TIMM23B: variants seen among roughly 807,000 people sequenced by gnomAD.
The protein encoded by TIMM23B is translocase of inner mitochondrial membrane 23 homolog B, also known as mitochondrial import inner membrane translocase subunit Tim23B.
In TIMM23B, 27 loss-of-function variants were observed where a neutral mutation model predicts 27.3. The ratio of observed to expected loss-of-function variants is 0.99; its 90% CI spans 0.73 to 1.36. The LOEUF is 1.36. Ranked by LOEUF, TIMM23B falls within the 40% of genes most tolerant of loss-of-function variation. The probability of loss-of-function intolerance (pLI) is 0.00; values close to 1 mark genes in which losing one functional copy is unlikely to be tolerated. For synonymous variants in TIMM23B, 73 were observed against 92.4 expected (o/e 0.79, Z 1.21); for missense variants, 205 against 244.2 (o/e 0.84, Z 1.07).
At chr10:49,968,462 T>C (rs1313954864) in intron 6 of TIMM23B, among the ~76,000 whole-genome samples, 1 of 152,224 alleles carries the variant, frequency 6.6e-6, no homozygotes, top group Admixed American at 6.5e-5. Flanking sequence ...GTCTGATGCA[T>C]AATAAACCAA....
intron 6 of TIMM23B, among the ~76,000 whole-genome samples, chr10:49,964,023 T>C (rs1404073344): frequency 5.9e-5 from 9 of 151,896 alleles, no homozygotes; most frequent in Admixed American, 5.9e-4. Flanking sequence ...GAAATGCGTG[T>C]GGTGCACTCC....
At chr10:49,971,446 A>G (rs1262766070) in intron 6 of TIMM23B, among the ~76,000 whole-genome samples, 1 of 152,142 alleles carries the variant, frequency 6.6e-6, no homozygotes, top group Non-Finnish European at 1.5e-5. Context: ...ATTTTAAAAC[A>G]AACAAAAAAA....
chr10:49,970,360 C>A, intron 6 of TIMM23B: 1 of 172,524 alleles, frequency 5.8e-6, no homozygotes, highest in South Asian at 1.4e-4. Flanking sequence ...GCGTCTCGGC[C>A]CGGCCACCCA....
At chr10:49,945,442 G>A (rs1413972863) in intron 2 of TIMM23B, among the ~76,000 whole-genome samples, 4 of 152,106 alleles carry the variant, frequency 2.6e-5, no homozygotes, top group African/African-American at 4.8e-5. Context: ...GTGCAGTAGC[G>A]CGATCTCTGC....
intron 6 of TIMM23B, among the ~76,000 whole-genome samples, chr10:49,970,910 T>G (rs542628656): frequency 2.6e-5 from 4 of 152,164 alleles, no homozygotes; most frequent in Non-Finnish European, 4.4e-5. Flanking sequence ...GGGGAAAAGA[T>G]AGAGAAATCG....
At chr10:49,967,217 C>T (rs1475634368) in intron 6 of TIMM23B, among the ~76,000 whole-genome samples, 3 of 152,008 alleles carry the variant, frequency 2.0e-5, no homozygotes, top group Non-Finnish European at 2.9e-5. Flanking sequence ...CCACCGCGCC[C>T]GGCCCCCTCT....
chr10:49,944,562 A>T (rs1165788092), intron 1 of TIMM23B, among the ~76,000 whole-genome samples: 7 of 151,998 alleles, frequency 4.6e-5, no homozygotes, highest in Non-Finnish European at 8.8e-5. Flanking sequence ...ATCAATCGTT[A>T]ATAGTAATAT....
At chr10:49,955,707 A>G (rs1400748459) in intron 5 of TIMM23B, among the ~76,000 whole-genome samples, 2 of 152,190 alleles carry the variant, frequency 1.3e-5, no homozygotes, top group Non-Finnish European at 2.9e-5. Context: ...GAAAATCTCA[A>G]TTTAAATTGT....
intron 6 of TIMM23B, among the ~76,000 whole-genome samples, chr10:49,968,400 A>C (rs1189045057): frequency 6.6e-6 from 1 of 152,268 alleles, no homozygotes; most frequent in Non-Finnish European, 1.5e-5. Flanking sequence ...ATGCTACGTG[A>C]TATTTGTGGT....
chr10:49,961,200 A>G (rs1259105652), intron 6 of TIMM23B, among the ~76,000 whole-genome samples: 2 of 149,660 alleles, frequency 1.3e-5, no homozygotes, highest in African/African-American at 4.9e-5. Flanking sequence ...CCTGACCAAC[A>G]TAGAGAAATC....
intron 1 of TIMM23B, among the ~76,000 whole-genome samples, chr10:49,943,974 C>T (rs1180854522): frequency 6.6e-6 from 1 of 152,036 alleles, no homozygotes; most frequent in Admixed American, 6.6e-5. Flanking sequence ...AGTACAAATG[C>T]TTGGGAGGCA....
At position 49,949,197 on chromosome 10, in the gene TIMM23B, C is replaced by CGT. The variant is rs1484172124; in HGVS notation, c.166-2929_166-2928insGT. On this transcript the variant is annotated intron_variant, in intron 2 of 6. Transcript: ENST00000651259. ...ACAGGCATGAGCCACCATGCCTGGC[C>CGT]TTTTTTTTTTTTTTTTTTTTTTAAG... Among the ~76,000 whole-genome samples, 42 of 106,592 alleles carry CGT rather than the reference C, an allele frequency of 3.9e-4. 2 individuals are homozygous for CGT. Among genetic ancestry groups the CGT allele is most frequent in the Non-Finnish European group, 4.6e-4 (25 of 54,436 alleles). 69.9% of individuals were successfully genotyped at this position (106,592 alleles called of 152,430 possible).
In TIMM23B at chr10:49,958,391, G is replaced by C. The variant is rs1196975749; in HGVS notation, c.425G>C (p.Gly142Ala). 1 of 1,613,664 alleles carries C rather than the reference G, an allele frequency of 6.2e-7. No homozygotes were observed. Among genetic ancestry groups the C allele is most frequent in the Non-Finnish European group, 8.5e-7 (1 of 1,179,800 alleles). ...TTAGCGTTGCTCTATAGTGCATTTG[G>C]TGTCATCATTGAGAAAACACGAGGT... ...GSLALLYSAF[G>A]VIIEKTRGAE... Residue 142 changes from glycine to alanine, a missense_variant, in exon 6 of 7, where the codon GGT becomes GCT. By Grantham distance (60) the Gly-to-Ala change is moderately conservative (BLOSUM62 0). Coordinates refer to ENST00000651259, the MANE Select transcript of TIMM23B (RefSeq NM_001290117.2).
Position 49,942,057 on chromosome 10 carries a change from G to A in TIMM23B, c.-138G>A, listed in dbSNP as rs1177671047. The A allele has an allele frequency of 1.5e-4, 180 of 1,225,480 alleles. No homozygotes were observed. Among genetic ancestry groups the A allele is most frequent in the Middle Eastern group, 2.8e-4 (1 of 3,538 alleles). 75.9% of individuals were successfully genotyped at this position (1,225,480 alleles called of 1,614,324 possible). Reference sequence around the variant, plus strand: ...CAAAGCGGAAGTGTGGCGCTTAACGGGAACCGGCGCCCGGAATGTCAGCGT... The same window carrying A: ...CAAAGCGGAAGTGTGGCGCTTAACGAGAACCGGCGCCCGGAATGTCAGCGT... On this transcript the variant is annotated 5_prime_UTR_variant, in exon 1 of 7. Transcript: ENST00000651259.
intron 6 of TIMM23B, among the ~76,000 whole-genome samples, chr10:49,961,882 C>G (rs1442645559): frequency 6.7e-6 from 1 of 150,228 alleles, no homozygotes; most frequent in Non-Finnish European, 1.5e-5. Context: ...AGGCATGAGC[C>G]ACTGTGCCCA....
chr10:49,969,581 T>C (rs1332659692), intron 6 of TIMM23B, among the ~76,000 whole-genome samples: 1 of 151,054 alleles, frequency 6.6e-6, no homozygotes, highest in African/African-American at 2.4e-5. Flanking sequence ...TGGTACATGC[T>C]ACTCCCGAGG....
At chr10:49,946,145 A>G (rs1839350142) in intron 2 of TIMM23B, among the ~76,000 whole-genome samples, 1 of 150,436 alleles carries the variant, frequency 6.6e-6, no homozygotes, top group East Asian at 1.9e-4. Context: ...AGCTGAGAAC[A>G]CCCCACTACA....
chr10:49,958,602 A>T, intron 6 of TIMM23B, 122 bp downstream of exon 6: 2 of 837,840 alleles, frequency 2.4e-6, no homozygotes, highest in Non-Finnish European at 3.8e-6. Flanking sequence ...CTTTATGGTT[A>T]TTTTGGTTTG....
intron 1 of TIMM23B, 105 bp downstream of exon 1, chr10:49,942,405 C>T (rs1357615991): frequency 4.5e-6 from 7 of 1,541,204 alleles, no homozygotes; most frequent in Admixed American, 2.0e-5. Context: ...TCCTTGCTGG[C>T]GTTTACAAGC....
Sources: gnomAD v4.1 joint callset for allele counts (sites outside exome capture counted in the v4.1 genomes callset) on GRCh38, gnomAD v4.1.1 for gene constraint, MANE v1.5 for transcripts, NCBI Gene and HGNC (gene_info 2026-07-23, HGNC 2026-07-21) for gene names.